Variants in STK17B observed in about 807,000 individuals in gnomAD.
STK17B encodes the protein serine/threonine-protein kinase 17B.
Under a neutral mutation model 42.0 loss-of-function variants are expected in STK17B, and 21 were observed. That is an observed-to-expected ratio of 0.50 (90% CI 0.35 to 0.72). STK17B has a LOEUF of 0.72. STK17B is among the 30% of genes least tolerant of loss of function. The pLI is 0.00. For missense variants in STK17B, 349 were observed against 446.0 expected (o/e 0.78, Z 1.96); for synonymous variants, 143 against 148.4 (o/e 0.96, Z 0.26).
upstream of STK17B, among the ~76,000 whole-genome samples, chr2:196,172,434 G>A (rs1699959818): frequency 6.6e-6 from 1 of 152,172 alleles, no homozygotes; most frequent in South Asian, 2.1e-4. Flanking sequence ...ATGTAATCTA[G>A]GATTGCTTTC....
At position 196,137,520 on chromosome 2, in the gene STK17B, ATGC is replaced by A. The variant is rs547321569; in HGVS notation, c.1043_1045del (p.Ser348del). On this transcript the variant is annotated inframe_deletion, in exon 8 of 8. Transcript: ENST00000263955. ...ATCGAAACGAAATCTTTTGGAAACC[ATGC>A]TGCTATCCTCTGGGATATTCTCTTT... The A allele has an allele frequency of 2.3e-4, 374 of 1,614,128 alleles. 2 individuals are homozygous for A. The East Asian group carries it at 5.2e-3, about 22-fold the overall frequency.
At chr2:196,137,773 A>G in intron 7 of STK17B, 44 bp from the exon 8 acceptor site, 1 of 1,568,662 alleles carries the variant, frequency 6.4e-7, no homozygotes, top group South Asian at 1.2e-5. Context: ...CTAAAAATCA[A>G]GTTGAAAATG....
At chr2:196,167,104 G>A (rs1575188043) in intron 1 of STK17B, among the ~76,000 whole-genome samples, 1 of 152,070 alleles carries the variant, frequency 6.6e-6, no homozygotes, top group Non-Finnish European at 1.5e-5. Context: ...TCCTTAAATG[G>A]CTAACTCTTC....
intron 2 of STK17B, among the ~76,000 whole-genome samples, chr2:196,158,638 G>A (rs4850672): frequency 0.58 from 88,601 of 151,632 alleles, 26,674 homozygotes; most frequent in East Asian, 0.92. Flanking sequence ...AAATGGAATC[G>A]GAGCCTCAAG....
chr2:196,158,999 A>G (rs1699775841), intron 2 of STK17B, among the ~76,000 whole-genome samples: 1 of 143,434 alleles, frequency 7.0e-6, no homozygotes, highest in Non-Finnish European at 1.5e-5. Context: ...GGACAGAGCA[A>G]GACTGTGTCT....
upstream of STK17B, among the ~76,000 whole-genome samples, chr2:196,172,107 C>T (rs866661779): frequency 1.3e-5 from 2 of 152,196 alleles, no homozygotes; most frequent in South Asian, 4.1e-4. Context: ...AGAGGTTCCT[C>T]GGAGTGTCAA....
chr2:196,141,183 AG>A, intron 6 of STK17B, 65 bp downstream of exon 6: 1 of 1,231,260 alleles, frequency 8.1e-7, no homozygotes, highest in East Asian at 2.4e-5. Context: ...TTGGAGTCAA[AG>A]AACCCCAGAA....
At chr2:196,147,894 G>A (rs1436365457) in intron 3 of STK17B, among the ~76,000 whole-genome samples, 1 of 152,024 alleles carries the variant, frequency 6.6e-6, no homozygotes, top group African/African-American at 2.4e-5. Flanking sequence ...ACCACGCCCG[G>A]CTAATTTTTG....
intron 3 of STK17B, chr2:196,154,077 T>TGCTGG (rs1699704935): frequency 6.6e-6 from 1 of 151,920 alleles, no homozygotes; most frequent in Admixed American, 6.6e-5. Flanking sequence ...TCTAGTAACA[T>TGCTGG]ACAAAAAATT....
intron 5 of STK17B, among the ~76,000 whole-genome samples, chr2:196,141,791 A>T (rs1699497235): frequency 6.6e-6 from 1 of 152,236 alleles, no homozygotes; most frequent in Non-Finnish European, 1.5e-5. Context: ...TGAGTAAATT[A>T]TATGATCAGG....
chr2:196,165,928 T>C (rs1359236674), intron 1 of STK17B, among the ~76,000 whole-genome samples: 2 of 152,244 alleles, frequency 1.3e-5, no homozygotes, highest in East Asian at 3.8e-4. Flanking sequence ...CCCAACTTAG[T>C]CTAAACTTCA....
chr2:196,170,830 G>A (rs1382852024), intron 1 of STK17B: 1 of 152,274 alleles, frequency 6.6e-6, no homozygotes, highest in Non-Finnish European at 1.5e-5. Flanking sequence ...AGATGAACAC[G>A]AACTTTCTCT....
At chr2:196,172,734 C>T (rs1464349315), upstream of STK17B, among the ~76,000 whole-genome samples, 2 of 152,188 alleles carry the variant, frequency 1.3e-5, no homozygotes, top group Admixed American at 6.5e-5. Flanking sequence ...TGCCCCTAAA[C>T]CTTGTCAAAT....
At chr2:196,172,997 T>G (rs990816803), upstream of STK17B, among the ~76,000 whole-genome samples, 3 of 152,194 alleles carry the variant, frequency 2.0e-5, no homozygotes, top group Admixed American at 1.3e-4. Context: ...ATGGTGGTTT[T>G]GGGGTTGTGT....
At chr2:196,143,826 C>T (rs569325558) in intron 4 of STK17B, 140 bp from the exon 5 acceptor site, 48 of 736,368 alleles carry the variant, frequency 6.5e-5, no homozygotes, top group South Asian at 3.8e-4. Flanking sequence ...TACTGACTTA[C>T]TACTTAGGCG....
At chr2:196,145,890 C>A (rs773306925) in intron 4 of STK17B, 21 bp downstream of exon 4, 1 of 1,545,252 alleles carries the variant, frequency 6.5e-7, no homozygotes, top group Non-Finnish European at 8.7e-7. Flanking sequence ...TGTTGCATTA[C>A]TTTAAATCAC....
intron 2 of STK17B, among the ~76,000 whole-genome samples, chr2:196,162,039 T>C (rs978627504): frequency 2.6e-5 from 4 of 152,166 alleles, no homozygotes; most frequent in African/African-American, 9.7e-5. Flanking sequence ...TAGTAAACCA[T>C]TTAACATACA....
At chr2:196,142,534 T>C (rs1699508478) in intron 5 of STK17B, among the ~76,000 whole-genome samples, 1 of 152,236 alleles carries the variant, frequency 6.6e-6, no homozygotes, top group African/African-American at 2.4e-5. Flanking sequence ...CAAACTAGGA[T>C]TTATGAGTGA....
chr2:196,143,734 T>C (rs769588663), intron 4 of STK17B, 48 bp from the exon 5 acceptor site: 4 of 1,405,354 alleles, frequency 2.8e-6, no homozygotes, highest in East Asian at 5.1e-5. Context: ...CAAAAAAGCA[T>C]ACTAGTCTCA....
Sources: gnomAD v4.1 joint callset for allele counts (sites outside exome capture counted in the v4.1 genomes callset) on GRCh38, gnomAD v4.1.1 for gene constraint, MANE v1.5 for transcripts, NCBI Gene and HGNC (gene_info 2026-07-23, HGNC 2026-07-21) for gene names.